Variants in TMPRSS4 observed in about 807,000 individuals in gnomAD.
The protein encoded by TMPRSS4 is transmembrane serine protease 4.
TMPRSS4 carries 45 observed loss-of-function variants against 56.4 expected under a neutral mutation model. That is an observed-to-expected ratio of 0.80 (90% CI 0.63 to 1.02). The LOEUF is 1.02. Ranked by LOEUF, TMPRSS4 falls within the 50% of genes least tolerant of loss-of-function variation. The pLI, the probability that TMPRSS4 is intolerant of heterozygous loss-of-function variation, is 0.00. For missense variants in TMPRSS4, 546 were observed against 556.7 expected, an observed-to-expected ratio of 0.98 and a Z score of 0.19; for synonymous variants, 205 against 211.0, an observed-to-expected ratio of 0.97 and a Z score of 0.25.
intron 11 of TMPRSS4, 69 bp from the exon 12 acceptor site, chr11:118,117,236 G>A: frequency 6.6e-7 from 1 of 1,519,920 alleles, no homozygotes; most frequent in Admixed American, 1.7e-5. Flanking sequence ...CCAGTTCAGG[G>A]AGCAGAGAAG....
At chr11:118,093,645 T>C (rs1946110074) in intron 1 of TMPRSS4, among the ~76,000 whole-genome samples, 1 of 152,180 alleles carries the variant, frequency 6.6e-6, no homozygotes, top group South Asian at 2.1e-4. Context: ...GACCACTCTC[T>C]CAGAAATATC....
rs188311671 is a variant in TMPRSS4 at position 118,083,873 on chromosome 11, T to C, written c.3+6568T>C. ...TTCAAGACCAGCCTGGCCAACATGG[T>C]GAAAGTACAAAAAATTAGCTGGGCG... On this transcript the variant is annotated intron_variant, in intron 1 of 12. Transcript: ENST00000437212. Among the ~76,000 whole-genome samples, 29 of 151,958 alleles carry C rather than the reference T, an allele frequency of 1.9e-4. 1 individual carries two copies. In the East Asian group the frequency reaches 4.8e-3, roughly 25 times the overall value.
intron 3 of TMPRSS4, among the ~76,000 whole-genome samples, chr11:118,102,221 C>A (rs881122): frequency 0.25 from 37,781 of 151,926 alleles, 4,956 homozygotes; most frequent in African/African-American, 0.35. Context: ...TGTGTTCTTA[C>A]CATTTAACAG....
chr11:118,109,644 A>T (rs1591399823), intron 7 of TMPRSS4, among the ~76,000 whole-genome samples: 1 of 152,332 alleles, frequency 6.6e-6, no homozygotes, highest in Non-Finnish European at 1.5e-5. Flanking sequence ...AGAGGAGATC[A>T]GAAAAGAAAA....
Position 118,121,072 on chromosome 11 carries a change from C to T in TMPRSS4, c.*3159C>T, listed in dbSNP as rs980067845. The T allele has an allele frequency of 6.6e-6, 1 of 152,182 alleles. No homozygotes were observed. The highest frequency in any genetic ancestry group is 2.4e-5 in the African/African-American group (1 of 41,440). 9.4% of individuals were successfully genotyped at this position (152,182 alleles called of 1,614,324 possible). ...AGGCTTTCCCACAGCAATAAAGGAGCTAGAAGTCAGTGGAAGTATATCTCC... is the reference window on the plus strand; with the variant it reads ...AGGCTTTCCCACAGCAATAAAGGAGTTAGAAGTCAGTGGAAGTATATCTCC... On this transcript the variant is annotated 3_prime_UTR_variant, in exon 13 of 13. Transcript: ENST00000437212.
chr11:118,107,918 T>C (rs1341149086), intron 6 of TMPRSS4, 43 bp downstream of exon 6: 1 of 1,550,884 alleles, frequency 6.4e-7, no homozygotes, highest in African/African-American at 1.4e-5. Flanking sequence ...GGCCCCCACA[T>C]GGACGCTGCT....
chr11:118,118,228 G>T lies in TMPRSS4; in HGVS notation c.*315G>T. 1 of 1,282,024 alleles carries T rather than the reference G, an allele frequency of 7.8e-7. No individual in the cohort carries two copies. Among genetic ancestry groups the T allele is most frequent in the Non-Finnish European group, 9.9e-7 (1 of 1,012,896 alleles). 79.4% of individuals were successfully genotyped at this position (1,282,024 alleles called of 1,614,324 possible). A position where few individuals can be genotyped will look rare whatever the true frequency, so the allele number is the denominator to read the frequency against. ...AGGAACTTTCCCACACTACTGAATG[G>T]AAGCAGGCTGTCTTGTAAAAGCCCA... On this transcript the variant is annotated 3_prime_UTR_variant, in exon 13 of 13. Transcript: ENST00000437212.
intron 11 of TMPRSS4, 67 bp downstream of exon 11, chr11:118,115,347 C>T: frequency 6.4e-7 from 1 of 1,561,218 alleles, no homozygotes; most frequent in Non-Finnish European, 8.7e-7. Flanking sequence ...ATGAGAAAAC[C>T]CAGAGGCTGC....
intron 1 of TMPRSS4, 141 bp from the exon 2 acceptor site, chr11:118,094,675 C>A: frequency 1.4e-6 from 1 of 697,064 alleles, no homozygotes; most frequent in Admixed American, 2.3e-5. Flanking sequence ...TCCTGTTGAA[C>A]CAGGTATTTG....
rs1946375610 is a variant in TMPRSS4 at position 118,096,928 on chromosome 11, GAAAGAA to G, written c.44-2055_44-2050del. On this transcript the variant is annotated intron_variant, in intron 2 of 12. Transcript: ENST00000437212. ...GAAAGAAAGGGAGAGAGAAAGGAAA[GAAAGAA>G]AGAGAAAGAAAGAAAGGAAGGAAAG... 4.4e-4 allele frequency among the ~76,000 whole-genome samples: 4 copies of G among 9,166 alleles called. 1 individual carries two copies. The highest frequency in any genetic ancestry group is 1.1e-3 in the African/African-American group (4 of 3,574). The allele number at this position is 9,166 out of a possible 152,430, so 6.0% of individuals were successfully genotyped here. A position where few individuals can be genotyped will look rare whatever the true frequency, so the allele number is the denominator to read the frequency against.
chr11:118,077,443 C>T, intron 1 of TMPRSS4, 138 bp downstream of exon 1: 1 of 1,001,790 alleles, frequency 1.0e-6, no homozygotes, highest in Non-Finnish European at 1.4e-6. Flanking sequence ...ACACCCAAAT[C>T]CCCTCACACC....
In TMPRSS4 at chr11:118,114,832, C is replaced by T. The variant is rs201305536; in HGVS notation, c.914C>T (p.Thr305Ile). Residue 305 changes from threonine to isoleucine, a missense_variant, in exon 10 of 13, where the codon ACA becomes ATA. Transcript: ENST00000437212. ...KLQFPLTFSG[T>I]VRPICLPFFD... ...TCTTCCTCTGTGCTCCTGGCAGGCA[C>T]AGTCAGGCCCATCTGTCTGCCCTTC... The T allele has an allele frequency of 6.9e-6, 11 of 1,604,470 alleles. No homozygotes were observed. The highest frequency in any genetic ancestry group is 6.8e-5 in the South Asian group (6 of 88,856).
At position 118,119,268 on chromosome 11, in the gene TMPRSS4, T is replaced by C; in HGVS notation, c.*1355T>C. ...TGAAGGCTGGCAGTGGAGCTAAACC[T>C]GGACACACTGAAGACAAGGGAGCTG... On this transcript the variant is annotated 3_prime_UTR_variant, in exon 13 of 13. Coordinates refer to ENST00000437212, the MANE Select transcript of TMPRSS4 (RefSeq NM_019894.4). 1 of 985,392 alleles carries C rather than the reference T, an allele frequency of 1.0e-6. No homozygotes were observed. Among genetic ancestry groups the C allele is most frequent in the Non-Finnish European group, 1.2e-6 (1 of 829,912 alleles). 61.0% of individuals were successfully genotyped at this position (985,392 alleles called of 1,614,324 possible). A position where few individuals can be genotyped will look rare whatever the true frequency, so the allele number is the denominator to read the frequency against.
chr11:118,088,511 A>G (rs1023838936), intron 1 of TMPRSS4, among the ~76,000 whole-genome samples: 1 of 152,174 alleles, frequency 6.6e-6, no homozygotes, highest in African/African-American at 2.4e-5. Flanking sequence ...CTCACCCGCT[A>G]CCTGGGCCCT....
chr11:118,105,078 C>A (rs1946922344), intron 5 of TMPRSS4, among the ~76,000 whole-genome samples: 1 of 150,008 alleles, frequency 6.7e-6, no homozygotes, highest in South Asian at 2.1e-4. Context: ...ATGTGTGCTG[C>A]CCTCCAACAC....
intron 9 of TMPRSS4, 75 bp downstream of exon 9, chr11:118,113,510 C>A: frequency 6.5e-7 from 1 of 1,533,900 alleles, no homozygotes; most frequent in Non-Finnish European, 8.9e-7. Flanking sequence ...AGCTCACTGA[C>A]CGCCCTTGGC....
chr11:118,116,903 G>T (rs889135295), intron 11 of TMPRSS4, among the ~76,000 whole-genome samples: 1 of 151,812 alleles, frequency 6.6e-6, no homozygotes, highest in African/African-American at 2.4e-5. Flanking sequence ...GTAGAGACGG[G>T]TTTCACCATG....
At chr11:118,089,317 G>A (rs1945797717) in intron 1 of TMPRSS4, among the ~76,000 whole-genome samples, 1 of 152,158 alleles carries the variant, frequency 6.6e-6, no homozygotes, top group Non-Finnish European at 1.5e-5. Context: ...GGAAACTCAG[G>A]CAGCACAACA....
chr11:118,115,357 C>A, intron 11 of TMPRSS4, 77 bp downstream of exon 11: 1 of 1,536,452 alleles, frequency 6.5e-7, no homozygotes, highest in South Asian at 1.2e-5. Context: ...CCAGAGGCTG[C>A]ATGCCCTACA....
Sources: gnomAD v4.1 joint callset for allele counts (sites outside exome capture counted in the v4.1 genomes callset) on GRCh38, gnomAD v4.1.1 for gene constraint, MANE v1.5 for transcripts, NCBI Gene and HGNC (gene_info 2026-07-23, HGNC 2026-07-21) for gene names.